ZNF821: variants seen among roughly 807,000 people sequenced by gnomAD.
ZNF821 encodes the protein zinc finger protein 821.
In ZNF821, 16 loss-of-function variants were observed where a neutral mutation model predicts 44.3. The ratio of observed to expected loss-of-function variants is 0.36; its 90% CI spans 0.24 to 0.55. The LOEUF (loss-of-function observed/expected upper bound fraction) is 0.55, where lower values mean the gene tolerates loss of function less well. Among genes scored for constraint, ZNF821 ranks in the 20% least tolerant of loss-of-function variants. The pLI is 0.86. For synonymous variants in ZNF821, 204 were observed against 197.6 expected (o/e 1.03, Z -0.27); for missense variants, 436 against 547.6 (o/e 0.80, Z 2.03).
chr16:71,873,954 G>C (rs1434684613), intron 3 of ZNF821, among the ~76,000 whole-genome samples: 1 of 131,336 alleles, frequency 7.6e-6, no homozygotes, highest in East Asian at 2.7e-4. Flanking sequence ...CGCCCGGCTG[G>C]AATTTTTTTT....
At chr16:71,862,862 G>A (rs1475736551) in intron 6 of ZNF821, among the ~76,000 whole-genome samples, 1 of 151,926 alleles carries the variant, frequency 6.6e-6, no homozygotes, top group Non-Finnish European at 1.5e-5. Flanking sequence ...GGATCCCCTG[G>A]TTCACACTAA....
upstream of ZNF821, among the ~76,000 whole-genome samples, chr16:71,886,141 GATA>G (rs1184741843): frequency 6.6e-6 from 1 of 152,184 alleles, no homozygotes; most frequent in Non-Finnish European, 1.5e-5. Flanking sequence ...AAAATGAGAT[GATA>G]ATAATGCTAT....
At chr16:71,872,404 G>C (rs2142409815) in intron 3 of ZNF821, among the ~76,000 whole-genome samples, 1 of 152,056 alleles carries the variant, frequency 6.6e-6, no homozygotes, top group African/African-American at 2.4e-5. Flanking sequence ...ATGAGGTCAG[G>C]AGATCGAGAC....
chr16:71,888,166 T>C (rs1011718283), upstream of ZNF821, among the ~76,000 whole-genome samples: 3 of 152,132 alleles, frequency 2.0e-5, no homozygotes, highest in African/African-American at 7.2e-5. Flanking sequence ...CATGAACCAC[T>C]GCGCCTGGCC....
Position 71,859,985 on chromosome 16 carries a change from A to G in ZNF821, c.*33T>C. On this transcript the variant is annotated 3_prime_UTR_variant, in exon 8 of 8. Transcript: ENST00000425432. ...TGTGGGTGTGGGTGGGTGGGTAGGT[A>G]GGTGGGAAGGAGGGCAGGCAGGAGG... The G allele has an allele frequency of 1.3e-6, 2 of 1,526,788 alleles. No individual in the cohort carries two copies. The highest frequency in any genetic ancestry group is 8.8e-7 in the Non-Finnish European group (1 of 1,140,258). 94.6% of individuals were successfully genotyped at this position (1,526,788 alleles called of 1,614,324 possible).
chr16:71,894,168 G>C (rs1356959383), intron 1 of ZNF821: 2 of 152,150 alleles, frequency 1.3e-5, no homozygotes, highest in Non-Finnish European at 2.9e-5. Context: ...ATAAGGGCTA[G>C]CTCCTACTTG....
intron 1 of ZNF821, chr16:71,894,804 G>A: frequency 6.5e-7 from 1 of 1,529,526 alleles, no homozygotes; most frequent in Non-Finnish European, 8.8e-7. Flanking sequence ...CAAAGTGCTG[G>A]GAAGGTCCCT....
rs1473153949 is a variant in ZNF821, at chr16:71,876,991, C to G, written c.40+2916G>C. On this transcript the variant is annotated intron_variant, in intron 3 of 7. Transcript: ENST00000425432. ...TTTTAGCAGCAATTTCTAAATCTTC[C>G]CTAAACCACTCATCTGTGTATTAAG... 2.0e-5 allele frequency among the ~76,000 whole-genome samples: 3 copies of G among 152,158 alleles called. No homozygotes were observed. The East Asian group carries it at 5.8e-4, about 29-fold the overall frequency.
upstream of ZNF821, chr16:71,885,513 G>A (rs1480966521): frequency 2.0e-5 from 3 of 152,238 alleles, no homozygotes; most frequent in Admixed American, 2.0e-4. Flanking sequence ...TCATGCAAAT[G>A]TTTTTCGTGA....
rs768181783 is a variant in ZNF821 at position 71,860,687 on chromosome 16, T to A, written c.585-15A>T. 2 of 1,606,702 alleles carry A rather than the reference T, an allele frequency of 1.2e-6. No individual in the cohort carries two copies. The highest frequency in any genetic ancestry group is 2.2e-5 in the South Asian group (2 of 90,768). On this transcript the variant is annotated splice_polypyrimidine_tract_variant and intron_variant, in intron 7 of 7. Transcript: ENST00000425432. This position sits in a 1 kb window ranked among gnomAD's most constrained non-coding sequence, Gnocchi z 7.3. ...GAAGTTTCTCACTGGAAAGGAAACA[T>A]TTTGGATGGTTAGTGTTTCCTTCTA...
At chr16:71,878,679 C>G (rs2036109204) in intron 3 of ZNF821, among the ~76,000 whole-genome samples, 1 of 151,908 alleles carries the variant, frequency 6.6e-6, no homozygotes, top group Admixed American at 6.6e-5. Context: ...CCTGTAATCC[C>G]AGCACTTTGG....
intron 4 of ZNF821, among the ~76,000 whole-genome samples, chr16:71,865,386 T>A (rs926773423): frequency 1.3e-5 from 2 of 151,870 alleles, no homozygotes; most frequent in Admixed American, 6.6e-5. Context: ...ACTGAGCTCA[T>A]TCCCACTGTA....
chr16:71,886,066 A>G (rs1334909359), upstream of ZNF821, among the ~76,000 whole-genome samples: 2 of 152,160 alleles, frequency 1.3e-5, no homozygotes, highest in African/African-American at 2.4e-5. Flanking sequence ...CTCCAGTGAA[A>G]TTTCTTGGAT....
Position 71,860,887 on chromosome 16 carries a change from G to C in ZNF821, c.585-215C>G, listed in dbSNP as rs1483347930. On this transcript the variant is annotated intron_variant, in intron 7 of 7. Coordinates refer to ENST00000425432, the MANE Select transcript of ZNF821 (RefSeq NM_001201552.2). This position sits in a 1 kb window ranked among gnomAD's most constrained non-coding sequence, Gnocchi z 7.3. ...TTTTTTTTTTTTGAGACAGAGTCTT[G>C]CTCTGTCGCCCAGGCTGGAGTACAA... Among the ~76,000 whole-genome samples the C allele has an allele frequency of 7.3e-6, 1 of 137,454 alleles. No individual in the cohort carries two copies. Among genetic ancestry groups the C allele is most frequent in the East Asian group, 2.2e-4 (1 of 4,596 alleles). The allele number at this position is 137,454 out of a possible 152,430, so 90.2% of individuals were successfully genotyped here. A position where few individuals can be genotyped will look rare whatever the true frequency, so the allele number is the denominator to read the frequency against.
intron 3 of ZNF821, among the ~76,000 whole-genome samples, chr16:71,879,189 T>G (rs182167925): frequency 6.6e-6 from 1 of 152,346 alleles, no homozygotes; most frequent in East Asian, 1.9e-4. Flanking sequence ...TAAGCATCTC[T>G]AACCTCACAT....
intron 4 of ZNF821, among the ~76,000 whole-genome samples, chr16:71,865,261 C>CA (rs1297433165): frequency 6.6e-6 from 1 of 152,156 alleles, no homozygotes; most frequent in Non-Finnish European, 1.5e-5. Context: ...AGATGTGAAG[C>CA]AAAACTGCAT....
intron 3 of ZNF821, among the ~76,000 whole-genome samples, chr16:71,874,205 A>T (rs1324769658): frequency 2.0e-5 from 3 of 147,288 alleles, no homozygotes; most frequent in Non-Finnish European, 4.5e-5. Flanking sequence ...CAGGTGATCC[A>T]CCCGCCTCGG....
Position 71,860,279 on chromosome 16 carries a change from G to A in ZNF821, c.978C>T (p.Ala326=). ...TTTCATTGGCCCGCTTCAGCCTCAT[G>A]GCCTCCCGATCCCGCTGCAGCCGGC... ...RARRLQRDRE[A]MRLKRANETP... The change falls in exon 8 of 8, where the codon GCC becomes GCT. Residue 326 remains alanine (A), a synonymous_variant. Transcript: ENST00000425432. The surrounding 1 kb of genome is among the most constrained non-coding windows in gnomAD (Gnocchi z 7.3). The A allele has an allele frequency of 6.2e-7, 1 of 1,613,802 alleles. No homozygotes were observed. The highest frequency in any genetic ancestry group is 8.5e-7 in the Non-Finnish European group (1 of 1,180,036).
intron 4 of ZNF821, among the ~76,000 whole-genome samples, chr16:71,867,261 AT>A (rs999137805): frequency 6.6e-6 from 1 of 152,004 alleles, no homozygotes; most frequent in South Asian, 2.1e-4. Context: ...GGAGACAGGG[AT>A]TTTTTTTCTT....
Sources: allele counts gnomAD v4.1 joint callset (sites outside exome capture counted in the v4.1 genomes callset), GRCh38; gene constraint gnomAD v4.1.1; non-coding constraint Gnocchi (gnomAD v3.1); transcripts MANE v1.5; gene names NCBI Gene and HGNC (gene_info 2026-07-23, HGNC 2026-07-21).